The following TASP1 variants were observed in gnomAD, a reference collection of about 807,000 sequenced individuals.
The protein encoded by TASP1 is taspase 1.
TASP1 carries 16 observed loss-of-function variants against 56.6 expected under a neutral mutation model. That is an observed-to-expected ratio of 0.28 (90% CI 0.19 to 0.43). The LOEUF (loss-of-function observed/expected upper bound fraction) is 0.43, where lower values mean the gene tolerates loss of function less well. Ranked by LOEUF, TASP1 falls within the 20% of genes least tolerant of loss-of-function variation. The pLI is 1.00. For missense variants in TASP1, 393 were observed against 511.6 expected, an observed-to-expected ratio of 0.77 and a Z score of 2.24; for synonymous variants, 179 against 184.2, an observed-to-expected ratio of 0.97 and a Z score of 0.23.
At position 13,398,890 on chromosome 20, in the gene TASP1, T is replaced by G. The variant is rs964300283; in HGVS notation, c.1171-8438A>C. Among the ~76,000 whole-genome samples, 4 of 152,158 alleles carry G rather than the reference T, an allele frequency of 2.6e-5. No individual in the cohort carries two copies. The East Asian group carries it at 7.7e-4, about 29-fold the overall frequency. ...TTTACAGCAAAGTTATTTGAAAGAG[T>G]TCTCTACACCTATTACCTCAAATTC... On this transcript the variant is annotated intron_variant, in intron 13 of 13. Transcript: ENST00000337743.
the TASP1 span, among the ~76,000 whole-genome samples, chr20:13,214,544 C>CAGAG: frequency 3.2e-3 from 417 of 131,636 alleles, 3 homozygotes; most frequent in South Asian, 5.5e-3. Flanking sequence ...CACACACACA[C>CAGAG]ACACACACAC....
intron 4 of TASP1, among the ~76,000 whole-genome samples, chr20:13,602,589 C>A (rs185482750): frequency 5.9e-5 from 9 of 152,258 alleles, no homozygotes; most frequent in Admixed American, 5.9e-4. Flanking sequence ...TTGTGGAAGA[C>A]AATTTTTCCA....
chr20:13,504,240 G>T (rs977947949), intron 10 of TASP1, among the ~76,000 whole-genome samples: 1 of 151,900 alleles, frequency 6.6e-6, no homozygotes, highest in African/African-American at 2.4e-5. Context: ...ATTCCCAAAG[G>T]TGTCAACAGA....
the TASP1 span, among the ~76,000 whole-genome samples, chr20:13,361,941 CCTT>C: frequency 1.5e-3 from 232 of 152,064 alleles, no homozygotes; most frequent in African/African-American, 5.0e-3. Flanking sequence ...CTGTTTTTCT[CCTT>C]CTGTTTTTCC....
At chr20:13,503,458 G>T (rs952244538) in intron 10 of TASP1, among the ~76,000 whole-genome samples, 2 of 152,142 alleles carry the variant, frequency 1.3e-5, no homozygotes, top group Admixed American at 1.3e-4. Context: ...TCCCTAGCTG[G>T]GCTGACTGGT....
the TASP1 span, among the ~76,000 whole-genome samples, chr20:13,192,564 A>C: frequency 4.9e-3 from 742 of 152,154 alleles, 5 homozygotes; most frequent in African/African-American, 0.017. Flanking sequence ...ACACAGGCAC[A>C]CATGACACAC....
the TASP1 span, among the ~76,000 whole-genome samples, chr20:13,351,225 G>C: frequency 1.3e-5 from 2 of 152,192 alleles, no homozygotes; most frequent in Non-Finnish European, 2.9e-5. Flanking sequence ...TGCATTGCCA[G>C]TGGGGATGCA....
the TASP1 span, among the ~76,000 whole-genome samples, chr20:13,121,653 C>T: frequency 6.6e-6 from 1 of 152,272 alleles, no homozygotes; most frequent in Admixed American, 6.5e-5. Context: ...TAACTCATGG[C>T]TCATAGCACC....
At chr20:13,452,760 T>C (rs1000348474) in intron 11 of TASP1, among the ~76,000 whole-genome samples, 4 of 151,922 alleles carry the variant, frequency 2.6e-5, no homozygotes, top group Admixed American at 2.0e-4. Context: ...AGAAGGAAAA[T>C]CCGCCCTTGG....
At chr20:13,227,959 C>CTT in the TASP1 span, among the ~76,000 whole-genome samples, 499 of 129,018 alleles carry the variant, frequency 3.9e-3, 2 homozygotes, top group East Asian at 0.012. Flanking sequence ...CTGCTGCTGC[C>CTT]TTTTTTTTTT....
the TASP1 span, among the ~76,000 whole-genome samples, chr20:13,359,497 T>C: frequency 6.6e-6 from 1 of 151,422 alleles, no homozygotes; most frequent in South Asian, 2.1e-4. Context: ...TTCGGGTAAC[T>C]CTCACAGTGG....
the TASP1 span, among the ~76,000 whole-genome samples, chr20:13,105,906 A>G: frequency 2.6e-5 from 4 of 152,350 alleles, no homozygotes; most frequent in Admixed American, 2.6e-4. Context: ...TGGTTCTCCA[A>G]GTCGCAAGGT....
At chr20:13,270,462 A>G in the TASP1 span, 4 of 1,570,414 alleles carry the variant, frequency 2.5e-6, no homozygotes, top group Middle Eastern at 1.7e-4. Context: ...TTTTTTAATC[A>G]TGTGTCTCCT....
chr20:13,413,212 T>A (rs988113533), intron 13 of TASP1, among the ~76,000 whole-genome samples: 1 of 152,104 alleles, frequency 6.6e-6, no homozygotes, highest in Non-Finnish European at 1.5e-5. Flanking sequence ...AAAAACAAAA[T>A]GTAAATATCA....
intron 10 of TASP1, among the ~76,000 whole-genome samples, chr20:13,513,642 G>A (rs1383013304): frequency 1.3e-5 from 2 of 152,068 alleles, no homozygotes; most frequent in Admixed American, 6.6e-5. Flanking sequence ...CGGTAGCTAG[G>A]ACTTTCTATT....
chr20:13,512,311 G>C (rs980406107), intron 10 of TASP1, among the ~76,000 whole-genome samples: 7 of 152,032 alleles, frequency 4.6e-5, no homozygotes, highest in Non-Finnish European at 7.4e-5. Flanking sequence ...ACTGGTGTGA[G>C]ATGGTATCTC....
At chr20:13,216,640 G>C in the TASP1 span, among the ~76,000 whole-genome samples, 11 of 152,136 alleles carry the variant, frequency 7.2e-5, no homozygotes, top group Non-Finnish European at 1.3e-4. Flanking sequence ...CCCCTAGTTA[G>C]GGTAATGAAA....
At chr20:13,318,136 AAAAT>A in the TASP1 span, among the ~76,000 whole-genome samples, 172 of 145,136 alleles carry the variant, frequency 1.2e-3, no homozygotes, top group African/African-American at 4.0e-3. Flanking sequence ...GACACTTGAA[AAAAT>A]AAATAAATAA....
At chr20:13,523,431 A>G (rs2044846457) in intron 10 of TASP1, among the ~76,000 whole-genome samples, 1 of 152,174 alleles carries the variant, frequency 6.6e-6, no homozygotes, top group Non-Finnish European at 1.5e-5. Context: ...CTCACAGAGA[A>G]GGCTGTCTCG....
Sources: allele counts gnomAD v4.1 joint callset (sites outside exome capture counted in the v4.1 genomes callset), GRCh38; gene constraint gnomAD v4.1.1; transcripts MANE v1.5; gene names NCBI Gene and HGNC (gene_info 2026-07-23, HGNC 2026-07-21).